Variants in RERE observed in about 807,000 individuals in gnomAD.
RERE encodes arginine-glutamic acid dipeptide repeats.
In RERE, 40 loss-of-function variants were observed where a neutral mutation model predicts 146.1. The observed-to-expected ratio is 0.27, with a 90% CI of 0.21 to 0.36. The LOEUF (loss-of-function observed/expected upper bound fraction) is 0.36. Among genes scored for constraint, RERE ranks in the 10% least tolerant of loss-of-function variants. The pLI is 1.00. For missense variants in RERE, 1,933 were observed against 2,138.7 expected, an observed-to-expected ratio of 0.90 and a Z score of 1.90; for synonymous variants, 1,003 against 866.0, an observed-to-expected ratio of 1.16 and a Z score of -2.78.
At chr1:8,518,943 TAAAC>T (rs920385468) in intron 7 of RERE, among the ~76,000 whole-genome samples, 18 of 152,102 alleles carry the variant, frequency 1.2e-4, no homozygotes, top group African/African-American at 3.1e-4. Context: ...AATAAACAAA[TAAAC>T]AAACAAACAT....
chr1:8,664,576 T>C (rs1457142224), intron 1 of RERE, among the ~76,000 whole-genome samples: 1 of 152,124 alleles, frequency 6.6e-6, no homozygotes, highest in Admixed American at 6.5e-5. Flanking sequence ...TGCACCACCA[T>C]GCCTGGCTAA....
chr1:8,803,519 G>C (rs1355176053), intron 1 of RERE, among the ~76,000 whole-genome samples: 1 of 151,972 alleles, frequency 6.6e-6, no homozygotes, highest in Non-Finnish European at 1.5e-5. Flanking sequence ...GACCATCACA[G>C]AATAAATATT....
chr1:8,574,176 C>T (rs767830790), intron 4 of RERE, among the ~76,000 whole-genome samples: 4 of 152,070 alleles, frequency 2.6e-5, no homozygotes, highest in Non-Finnish European at 5.9e-5. Context: ...TCTTATTTGA[C>T]CCACAGACTA....
intron 1 of RERE, among the ~76,000 whole-genome samples, chr1:8,662,229 C>T (rs528634752): frequency 7.9e-5 from 12 of 152,196 alleles, no homozygotes; most frequent in Non-Finnish European, 1.8e-4. Context: ...AATTACTCTT[C>T]ATTTTAGGTT....
chr1:8,648,623 A>AT (rs1297366152), intron 2 of RERE, among the ~76,000 whole-genome samples: 1 of 152,098 alleles, frequency 6.6e-6, no homozygotes. Flanking sequence ...CCTAGTTTGA[A>AT]TTTTTTCCAG....
chr1:8,357,784 A>G (rs1641354536), intron 20 of RERE, among the ~76,000 whole-genome samples: 1 of 152,246 alleles, frequency 6.6e-6, no homozygotes. Context: ...TCGCTCCTCA[A>G]GGGAAGAGGA....
Position 8,562,152 on chromosome 1 carries a change from T to C in RERE, c.523-4629A>G, listed in dbSNP as rs557933213. On this transcript the variant is annotated intron_variant, in intron 4 of 22. Transcript: ENST00000400908. ...TTACAGAAAAAGAGAGCAGCAAAGA[T>C]AGAGAGAAAAGAGGTCCCTTAAAGT... 9.9e-5 allele frequency among the ~76,000 whole-genome samples: 15 copies of C among 152,254 alleles called. No individual in the cohort carries two copies. In the South Asian group the frequency reaches 1.5e-3, roughly 15 times the overall value.
intron 4 of RERE, among the ~76,000 whole-genome samples, chr1:8,601,761 ACACACAC>A (rs1646632976): frequency 6.6e-6 from 1 of 151,446 alleles, no homozygotes; most frequent in African/African-American, 2.4e-5. Context: ...ACACACACAC[ACACACAC>A]ACACACACAA....
chr1:8,713,093 G>A (rs1263989764), intron 1 of RERE, among the ~76,000 whole-genome samples: 1 of 152,068 alleles, frequency 6.6e-6, no homozygotes, highest in Non-Finnish European at 1.5e-5. Flanking sequence ...AATCTTACAA[G>A]ATACCTTTCA....
At chr1:8,539,604 C>T (rs1645773034) in intron 7 of RERE, among the ~76,000 whole-genome samples, 2 of 152,264 alleles carry the variant, frequency 1.3e-5, no homozygotes, top group Admixed American at 6.5e-5. Context: ...TAGGGTTTCA[C>T]CACGTTGGCC....
In RERE at chr1:8,802,694, C is replaced by G. The variant is rs1024997760; in HGVS notation, c.-145+14466G>C. ...AGTTGTGTACATGTCTCATCTTTCC[C>G]ATTAATGAGAAAATCATCATGGGCA... is the stretch of plus-strand genomic sequence containing the variant. On this transcript the variant is annotated intron_variant, in intron 1 of 22. Coordinates refer to ENST00000400908, the MANE Select transcript of RERE (RefSeq NM_001042681.2). Among the ~76,000 whole-genome samples the G allele has an allele frequency of 1.4e-4, 21 of 152,104 alleles. 1 individual carries two copies. The highest frequency in any genetic ancestry group is 1.2e-3 in the Admixed American group (19 of 15,272).
At chr1:8,599,707 C>A (rs943990164) in intron 4 of RERE, among the ~76,000 whole-genome samples, 1 of 152,168 alleles carries the variant, frequency 6.6e-6, no homozygotes, top group African/African-American at 2.4e-5. Flanking sequence ...GTAAGAAGGG[C>A]TCTTTTTAAT....
intron 11 of RERE, among the ~76,000 whole-genome samples, chr1:8,463,845 A>G (rs549405196): frequency 1.3e-5 from 2 of 152,370 alleles, no homozygotes; most frequent in Non-Finnish European, 2.9e-5. Flanking sequence ...CAAGCTGACA[A>G]GGCCCTGAGG....
chr1:8,586,735 T>A (rs896584719), intron 4 of RERE, among the ~76,000 whole-genome samples: 4 of 152,156 alleles, frequency 2.6e-5, no homozygotes, highest in African/African-American at 9.7e-5. Flanking sequence ...CATTCCATAA[T>A]TATGTGGTTT....
At chr1:8,761,975 G>A (rs1330569489) in intron 1 of RERE, among the ~76,000 whole-genome samples, 1 of 152,026 alleles carries the variant, frequency 6.6e-6, no homozygotes, top group African/African-American at 2.4e-5. Flanking sequence ...TTTCCACCCA[G>A]TCTTCACTCT....
intron 1 of RERE, among the ~76,000 whole-genome samples, chr1:8,751,768 C>T (rs1196901030): frequency 1.4e-5 from 2 of 138,484 alleles, no homozygotes; most frequent in Non-Finnish European, 3.1e-5. Context: ...CTCAGAATCC[C>T]TTTCACTTTA....
intron 12 of RERE, among the ~76,000 whole-genome samples, chr1:8,402,409 C>A (rs777818197): frequency 6.6e-6 from 1 of 152,152 alleles, no homozygotes; most frequent in African/African-American, 2.4e-5. Context: ...CCAGAAATCA[C>A]GGCACAAAGA....
intron 7 of RERE, among the ~76,000 whole-genome samples, chr1:8,509,905 T>C (rs1645310505): frequency 6.6e-6 from 1 of 152,250 alleles, no homozygotes; most frequent in Non-Finnish European, 1.5e-5. Flanking sequence ...TTGAAATTGT[T>C]AAAAATACAT....
chr1:8,562,876 T>C (rs1389958246), intron 4 of RERE, among the ~76,000 whole-genome samples: 1 of 152,126 alleles, frequency 6.6e-6, no homozygotes, highest in Non-Finnish European at 1.5e-5. Flanking sequence ...AATCTGGGCT[T>C]AGAAAAAAGA....
Sources: gnomAD v4.1 joint callset for allele counts (sites outside exome capture counted in the v4.1 genomes callset) on GRCh38, gnomAD v4.1.1 for gene constraint, MANE v1.5 for transcripts, NCBI Gene and HGNC (gene_info 2026-07-23, HGNC 2026-07-21) for gene names.